The following HDAC4 variants were observed in gnomAD, a reference collection of about 807,000 sequenced individuals.
The protein encoded by HDAC4 is histone deacetylase A.
In HDAC4, 16 loss-of-function variants were observed where a neutral mutation model predicts 135.1. The observed-to-expected ratio is 0.12, with a 90% CI of 0.08 to 0.18. The LOEUF (loss-of-function observed/expected upper bound fraction) is 0.18, where lower values mean the gene tolerates loss of function less well. Among genes scored for constraint, HDAC4 ranks in the 10% least tolerant of loss-of-function variants. The pLI, the probability that HDAC4 is intolerant of heterozygous loss-of-function variation, is 1.00. For missense variants in HDAC4, 1,143 were observed against 1,511.8 expected (o/e 0.76, Z 4.05); for synonymous variants, 685 against 653.4 (o/e 1.05, Z -0.74).
rs145500305 is a variant in HDAC4, at chr2:239,161,096, A to G, written c.611+2707T>C. Among the ~76,000 whole-genome samples, 378 of 152,236 alleles carry G rather than the reference A, an allele frequency of 2.5e-3. 1 individual carries two copies. The highest frequency in any genetic ancestry group is 4.0e-3 in the Non-Finnish European group (273 of 68,016). On this transcript the variant is annotated intron_variant, in intron 6 of 26. Transcript: ENST00000543185. ...GGCCATCCCCATGCCTTTTTTTGTGAGGTACCTGTTCAAACCTTTTGACCG... is the reference window on the plus strand; with the variant it reads ...GGCCATCCCCATGCCTTTTTTTGTGGGGTACCTGTTCAAACCTTTTGACCG...
intron 13 of HDAC4, among the ~76,000 whole-genome samples, chr2:239,114,328 G>A (rs1170262982): frequency 6.6e-6 from 1 of 152,194 alleles, no homozygotes; most frequent in Non-Finnish European, 1.5e-5. Context: ...TGCTGCTGGA[G>A]GATAGAATCA....
intron 2 of HDAC4, among the ~76,000 whole-genome samples, chr2:239,330,977 G>A (rs1691532065): frequency 6.6e-6 from 1 of 152,216 alleles, no homozygotes; most frequent in Non-Finnish European, 1.5e-5. Context: ...ATGCCACGCT[G>A]CTGACACAGA....
At chr2:239,340,613 T>C (rs977346226) in intron 2 of HDAC4, among the ~76,000 whole-genome samples, 2 of 152,196 alleles carry the variant, frequency 1.3e-5, no homozygotes, top group Admixed American at 6.5e-5. Context: ...AGCCTGGACA[T>C]GGAGACACAC....
chr2:239,201,148 G>A (rs1015301704), intron 3 of HDAC4, among the ~76,000 whole-genome samples: 4 of 152,198 alleles, frequency 2.6e-5, no homozygotes, highest in African/African-American at 4.8e-5. Flanking sequence ...CTTGCCCAGG[G>A]CCACACACTA....
intron 1 of HDAC4, among the ~76,000 whole-genome samples, chr2:239,388,241 G>A (rs534095112): frequency 3.3e-5 from 5 of 152,340 alleles, no homozygotes; most frequent in Non-Finnish European, 7.4e-5. Context: ...CTTTGCAGAT[G>A]GGTGGACCCG....
intron 2 of HDAC4, among the ~76,000 whole-genome samples, chr2:239,239,475 G>A (rs2048059933): frequency 6.6e-6 from 1 of 152,088 alleles, no homozygotes; most frequent in South Asian, 2.1e-4. Context: ...CCATCCCGAG[G>A]CTATCCAGGG....
At chr2:239,063,204 TTTTG>T (rs146150708) in intron 24 of HDAC4, among the ~76,000 whole-genome samples, 2,458 of 151,846 alleles carry the variant, frequency 0.016, 85 homozygotes, top group African/African-American at 0.057. Flanking sequence ...TGCAGTCTTT[TTTTG>T]TTTTTTTTTT....
intron 1 of HDAC4, among the ~76,000 whole-genome samples, chr2:239,395,738 T>C (rs913887922): frequency 6.6e-6 from 1 of 152,174 alleles, no homozygotes; most frequent in African/African-American, 2.4e-5. Flanking sequence ...TGTCTACACA[T>C]GGAGGATGCC....
chr2:239,248,007 G>A (rs367839814), intron 2 of HDAC4, among the ~76,000 whole-genome samples: 17 of 152,224 alleles, frequency 1.1e-4, no homozygotes, highest in Non-Finnish European at 1.9e-4. Context: ...GAGATGGGGA[G>A]AGAGTGAGGC....
chr2:239,333,187 G>A (rs1691702479), intron 2 of HDAC4, among the ~76,000 whole-genome samples: 1 of 151,998 alleles, frequency 6.6e-6, no homozygotes, highest in African/African-American at 2.4e-5. Flanking sequence ...GCAAACTATG[G>A]CCCATGGGCC....
intron 5 of HDAC4, among the ~76,000 whole-genome samples, chr2:239,173,639 T>C (rs2043587969): frequency 6.6e-6 from 1 of 152,208 alleles, no homozygotes. Context: ...CACAATTTGA[T>C]ACTATATTGG....
chr2:239,369,148 T>C (rs1194911184), intron 1 of HDAC4, among the ~76,000 whole-genome samples: 1 of 151,942 alleles, frequency 6.6e-6, no homozygotes, highest in African/African-American at 2.4e-5. Context: ...GGTGACAGTC[T>C]CCAAGAAAGG....
Position 239,107,982 on chromosome 2 carries a change from G to A in HDAC4, c.2112+68C>T, listed in dbSNP as rs372292580. Reference sequence around the variant, plus strand: ...GCAAAACCAACACCCTGAATCACGCGGGCCCACGAGGGTCCCCTCTAATGG... The same window carrying A: ...GCAAAACCAACACCCTGAATCACGCAGGCCCACGAGGGTCCCCTCTAATGG... On this transcript the variant is annotated intron_variant, in intron 15 of 26. Coordinates refer to ENST00000543185, the MANE Select transcript of HDAC4 (RefSeq NM_001378414.1). 375 of 1,590,110 alleles carry A rather than the reference G, an allele frequency of 2.4e-4. 2 individuals are homozygous for A. The African/African-American group carries it at 3.9e-3, about 17-fold the overall frequency.
chr2:239,380,656 C>T (rs1575782937), intron 1 of HDAC4, among the ~76,000 whole-genome samples: 2 of 152,320 alleles, frequency 1.3e-5, no homozygotes, highest in Middle Eastern at 6.8e-3. Flanking sequence ...CTGAACTGTA[C>T]ACTAACAAAT....
intron 2 of HDAC4, among the ~76,000 whole-genome samples, chr2:239,259,086 C>A (rs2049204327): frequency 6.6e-6 from 1 of 152,202 alleles, no homozygotes; most frequent in East Asian, 1.9e-4. Flanking sequence ...GACAGCGTAT[C>A]ACCCCATTTT....
chr2:239,058,217 G>A (rs187869173), intron 24 of HDAC4, among the ~76,000 whole-genome samples: 89 of 152,222 alleles, frequency 5.8e-4, no homozygotes, highest in African/African-American at 1.3e-3. Flanking sequence ...TAAAGATGAC[G>A]AATGAAAAAC....
At chr2:239,190,226 C>T in intron 3 of HDAC4, 149 bp from the exon 4 acceptor site, 1 of 1,117,548 alleles carries the variant, frequency 8.9e-7, no homozygotes, top group Non-Finnish European at 1.2e-6. Flanking sequence ...CCCCCTGTCC[C>T]CCTCTTGCCC....
At chr2:239,314,697 C>T (rs151141200) in intron 2 of HDAC4, among the ~76,000 whole-genome samples, 10 of 152,014 alleles carry the variant, frequency 6.6e-5, no homozygotes, top group East Asian at 3.9e-4. Context: ...TAAAATAGCA[C>T]GGAAGAAATA....
intron 1 of HDAC4, among the ~76,000 whole-genome samples, chr2:239,384,288 CCTCT>C (rs10551133): frequency 0.035 from 5,268 of 152,106 alleles, 151 homozygotes; most frequent in African/African-American, 0.082. Context: ...TATTTTAGTA[CCTCT>C]CTCTATCATA....
Sources: gnomAD v4.1 joint callset for allele counts (sites outside exome capture counted in the v4.1 genomes callset) on GRCh38, gnomAD v4.1.1 for gene constraint, MANE v1.5 for transcripts, NCBI Gene and HGNC (gene_info 2026-07-23, HGNC 2026-07-21) for gene names.